Variants in FAM227A observed in about 807,000 individuals in gnomAD.
FAM227A encodes the protein protein FAM227A.
FAM227A carries 80 observed loss-of-function variants against 74.7 expected under a neutral mutation model. The observed-to-expected ratio is 1.07, with a 90% CI of 0.89 to 1.29. FAM227A has a LOEUF of 1.29. FAM227A is among the 50% of genes most tolerant of loss of function. FAM227A has a pLI of 0.00. For synonymous variants in FAM227A, 237 were observed against 241.8 expected (o/e 0.98, Z 0.19); for missense variants, 654 against 683.4 (o/e 0.96, Z 0.48).
At position 38,586,133 on chromosome 22, in the gene FAM227A, T is replaced by C; in HGVS notation, c.1705A>G (p.Lys569Glu). ...EVEHFFPLTS[K>E]P ...CTAGGTTGTGGAGCTCCTCAGGGCTTGGAAGTGAGTGGAAAGAAATGTTCA... is the reference window on the plus strand; with the variant it reads ...CTAGGTTGTGGAGCTCCTCAGGGCTCGGAAGTGAGTGGAAAGAAATGTTCA... The change falls in exon 17 of 17, where the codon AAG becomes GAG. Residue 569 changes from lysine (K) to glutamate (E), a missense_variant. Lys to Glu is a moderately conservative substitution (Grantham distance 56). Transcript: ENST00000535113. 1.9e-6 allele frequency: 3 copies of C among 1,551,930 alleles called. No individual in the cohort carries two copies. The South Asian group carries it at 3.6e-5, about 18-fold the overall frequency.
chr22:38,638,766 T>C lies in FAM227A; in HGVS notation c.352A>G (p.Arg118Gly). ...SCKGSELRHA[R>G]SSVIKRKTAD... ...CTTACCCTTTTTATAACAGAAGATC[T>C]GGCATGTCTGAGTTCGGAGCCTTTG... The change falls in exon 5 of 17, where the codon AGA becomes GGA. Residue 118 changes from arginine to glycine, a missense_variant. By Grantham distance (125) the Arg-to-Gly change is moderately radical (BLOSUM62 -2). Transcript: ENST00000535113. The C allele has an allele frequency of 1.3e-6, 2 of 1,549,268 alleles. No individual in the cohort carries two copies. Among genetic ancestry groups the C allele is most frequent in the Admixed American group, 2.0e-5 (1 of 50,394 alleles).
At chr22:38,654,226 T>C (rs62229986) in intron 1 of FAM227A, among the ~76,000 whole-genome samples, 7,043 of 151,982 alleles carry the variant, frequency 0.046, 273 homozygotes, top group East Asian at 0.11. Flanking sequence ...CAGGCGCCTG[T>C]TGTCCCAGCT....
At chr22:38,623,036 T>C (rs981523631) in intron 10 of FAM227A, 136 bp downstream of exon 10, 27 of 630,674 alleles carry the variant, frequency 4.3e-5, no homozygotes, top group Non-Finnish European at 6.8e-5. Flanking sequence ...ACGAAGAATT[T>C]TGGTGGCTAA....
Position 38,636,585 on chromosome 22 carries a change from T to C in FAM227A, c.385A>G (p.Lys129Glu). The C allele has an allele frequency of 6.4e-7, 1 of 1,551,192 alleles. No individual in the cohort carries two copies. The highest frequency in any genetic ancestry group is 8.7e-7 in the Non-Finnish European group (1 of 1,146,864). ...TGGTACAGCTCTGCCAGCAGATTTT[T>C]ATCTGCTGTTTTCTGAAGCAAAAGA... Reference protein sequence around the residue: ...SSVIKRKTADKNLLAELYQYS... With the variant: ...SSVIKRKTADENLLAELYQYS... The change falls in exon 6 of 17, where the codon AAA becomes GAA. Residue 129 changes from lysine (K) to glutamate (E), a missense_variant. By Grantham distance (56) the Lys-to-Glu change is moderately conservative. Transcript: ENST00000535113.
At chr22:38,613,385 T>TTTATAATATATAATATATGATATATATAA (rs1569208012) in intron 11 of FAM227A, among the ~76,000 whole-genome samples, 2 of 44,762 alleles carry the variant, frequency 4.5e-5, no homozygotes, top group African/African-American at 2.3e-4. Context: ...ATAACATATA[T>TTTATAATATATAATATATGATATATATAA]TATATAATAT....
rs1485176174 is a variant in FAM227A at position 38,656,303 on chromosome 22, T to A, written c.-278A>T. Reference sequence around the variant, plus strand: ...TGGGGAGAGGCCCATTTTGCTACTCTGAGTCCAGGCGTTCTCTAGGCAACG... The same window carrying A: ...TGGGGAGAGGCCCATTTTGCTACTCAGAGTCCAGGCGTTCTCTAGGCAACG... On this transcript the variant is annotated 5_prime_UTR_variant, in exon 1 of 17. Transcript: ENST00000535113. The A allele has an allele frequency of 6.6e-6, 1 of 152,352 alleles. No individual in the cohort carries two copies. Among genetic ancestry groups the A allele is most frequent in the Non-Finnish European group, 1.5e-5 (1 of 68,154 alleles). 9.4% of individuals were successfully genotyped at this position (152,352 alleles called of 1,614,324 possible).
At chr22:38,639,970 T>G (rs950952985) in intron 3 of FAM227A, among the ~76,000 whole-genome samples, 4 of 152,114 alleles carry the variant, frequency 2.6e-5, no homozygotes, top group African/African-American at 9.7e-5. Context: ...GAGCAGGAAT[T>G]AGAAATTAAA....
intron 16 of FAM227A, among the ~76,000 whole-genome samples, chr22:38,587,419 C>T (rs1332372979): frequency 6.6e-6 from 1 of 151,938 alleles, no homozygotes; most frequent in East Asian, 1.9e-4. Flanking sequence ...ACATGATTAC[C>T]GACCTTACAG....
At chr22:38,605,733 A>G (rs2091269628) in intron 12 of FAM227A, among the ~76,000 whole-genome samples, 1 of 152,180 alleles carries the variant, frequency 6.6e-6, no homozygotes, top group African/African-American at 2.4e-5. Flanking sequence ...TTGAATATAT[A>G]TGTAAGCTCT....
rs148810810 is a variant in FAM227A at position 38,650,012 on chromosome 22, T to C, written c.142+15A>G. 311 of 1,551,892 alleles carry C rather than the reference T, an allele frequency of 2.0e-4. 2 individuals carry two copies. The African/African-American group carries it at 3.8e-3, about 19-fold the overall frequency. On this transcript the variant is annotated intron_variant, in intron 2 of 16. Coordinates refer to ENST00000535113, the MANE Select transcript of FAM227A (RefSeq NM_001013647.2). Reference sequence around the variant, plus strand: ...GTATTTGGTCTGATTGTAGGTGACATCACCAGAAGGATACAGGGTGGATTG... The same window carrying C: ...GTATTTGGTCTGATTGTAGGTGACACCACCAGAAGGATACAGGGTGGATTG...
chr22:38,623,365 G>T, intron 9 of FAM227A, 86 bp from the exon 10 acceptor site: 1 of 856,084 alleles, frequency 1.2e-6, no homozygotes, highest in Non-Finnish European at 1.9e-6. Flanking sequence ...CAAGGTGGGA[G>T]GATTGCTTGA....
Position 38,636,645 on chromosome 22 carries a change from T to C in FAM227A, c.373-48A>G, listed in dbSNP as rs984343137. On this transcript the variant is annotated intron_variant, in intron 5 of 16. Coordinates refer to ENST00000535113, the MANE Select transcript of FAM227A (RefSeq NM_001013647.2). ...GAAAATGGGGTTCACATTTTGACAG[T>C]GTGAAACAATAGGCTAGCTTCCCCT... The C allele has an allele frequency of 8.0e-6, 12 of 1,505,934 alleles. No homozygotes were observed. The African/African-American group carries it at 1.5e-4, about 19-fold the overall frequency. The allele number at this position is 1,505,934 out of a possible 1,614,324, so 93.3% of individuals were successfully genotyped here.
chr22:38,620,407 GTC>G, intron 10 of FAM227A, 116 bp from the exon 11 acceptor site: 1 of 763,024 alleles, frequency 1.3e-6, no homozygotes, highest in Non-Finnish European at 2.2e-6. Flanking sequence ...CAGATCTAGG[GTC>G]TCTCTGTTGA....
At chr22:38,646,235 C>T (rs1447829231) in intron 2 of FAM227A, among the ~76,000 whole-genome samples, 1 of 146,668 alleles carries the variant, frequency 6.8e-6, no homozygotes, top group Non-Finnish European at 1.5e-5. Flanking sequence ...TGGGAATTTT[C>T]CTTCCAGTAT....
At chr22:38,638,990 G>C (rs2092058320) in intron 4 of FAM227A, among the ~76,000 whole-genome samples, 168 bp from the exon 5 acceptor site, 1 of 152,120 alleles carries the variant, frequency 6.6e-6, no homozygotes, top group Non-Finnish European at 1.5e-5. Flanking sequence ...TAGACCACTT[G>C]ATCCAGAGAA....
Position 38,620,267 on chromosome 22 carries a change from C to T in FAM227A, c.983G>A (p.Gly328Asp). ...TKGREFSLFAGKRAFSQKPAQ... is the reference protein window; with the variant it reads ...TKGREFSLFADKRAFSQKPAQ... ...TGGCTTCTGGGAGAAGGCTCTCTTA[C>T]CAGCAAACAAAGAAAACTCTCTCCC... The change falls in exon 11 of 17, where the codon GGT (glycine) becomes GAT (aspartate). Residue 328 changes from glycine (G) to aspartate (D), a missense_variant. Transcript: ENST00000535113. 1.3e-6 allele frequency: 2 copies of T among 1,551,326 alleles called. No individual in the cohort carries two copies. Among genetic ancestry groups the T allele is most frequent in the South Asian group, 2.4e-5 (2 of 84,044 alleles).
intron 3 of FAM227A, among the ~76,000 whole-genome samples, chr22:38,641,833 C>T (rs1048201468): frequency 5.3e-5 from 8 of 152,044 alleles, no homozygotes; most frequent in African/African-American, 1.9e-4. Context: ...TTGCCAAAAC[C>T]CAAAATAGCC....
At chr22:38,652,451 G>C (rs2092336188) in intron 1 of FAM227A, among the ~76,000 whole-genome samples, 1 of 151,514 alleles carries the variant, frequency 6.6e-6, no homozygotes, top group East Asian at 1.9e-4. Context: ...AGCCGGGCAT[G>C]GTGGCGGGCA....
At position 38,638,746 on chromosome 22, in the gene FAM227A, C is replaced by G; in HGVS notation, c.372G>C (p.Arg124Ser). ...LRHARSSVIK[R>S]KTADKNLLAE... Reference sequence around the variant, plus strand: ...ACAGACACAGCAGTAGATCCCTTACCCTTTTTATAACAGAAGATCTGGCAT... The same window carrying G: ...ACAGACACAGCAGTAGATCCCTTACGCTTTTTATAACAGAAGATCTGGCAT... The change falls in exon 5 of 17, where the codon AGG becomes AGC. Residue 124 changes from arginine to serine, a missense_variant and splice_region_variant. Arg to Ser is a moderately radical substitution (Grantham distance 110). Transcript: ENST00000535113. 3 of 1,547,598 alleles carry G rather than the reference C, an allele frequency of 1.9e-6. No individual in the cohort carries two copies. The highest frequency in any genetic ancestry group is 1.7e-6 in the Non-Finnish European group (2 of 1,143,598).
Sources: gnomAD v4.1 joint callset for allele counts (sites outside exome capture counted in the v4.1 genomes callset) on GRCh38, gnomAD v4.1.1 for gene constraint, MANE v1.5 for transcripts, NCBI Gene and HGNC (gene_info 2026-07-23, HGNC 2026-07-21) for gene names.